HSPA12B: variants seen among roughly 807,000 people sequenced by gnomAD.
HSPA12B encodes the protein heat shock 70 kDa protein 12B.
In HSPA12B, 54 loss-of-function variants were observed where a neutral mutation model predicts 69.3. The ratio of observed to expected loss-of-function variants is 0.78; its 90% CI spans 0.63 to 0.98. The LOEUF (loss-of-function observed/expected upper bound fraction) is 0.98, where lower values mean the gene tolerates loss of function less well. Ranked by LOEUF, HSPA12B falls within the 50% of genes least tolerant of loss-of-function variation. The pLI is 0.00. For synonymous variants in HSPA12B, 441 were observed against 436.5 expected (o/e 1.01, Z -0.13); for missense variants, 929 against 999.8 (o/e 0.93, Z 0.96).
At chr20:3,743,905 GAAATAA>G (rs945803445) in intron 4 of HSPA12B, among the ~76,000 whole-genome samples, 4 of 151,820 alleles carry the variant, frequency 2.6e-5, no homozygotes, top group African/African-American at 7.3e-5. Context: ...AATAAAACAA[GAAATAA>G]AAATAAAAAC....
intron 1 of HSPA12B, among the ~76,000 whole-genome samples, chr20:3,738,181 C>T (rs944265076): frequency 2.0e-5 from 3 of 152,196 alleles, no homozygotes; most frequent in Non-Finnish European, 4.4e-5. Context: ...CTTCCCACCC[C>T]GCATTATCCA....
chr20:3,734,009 G>T (rs1028793864), intron 1 of HSPA12B, among the ~76,000 whole-genome samples: 1 of 152,188 alleles, frequency 6.6e-6, no homozygotes, highest in African/African-American at 2.4e-5. Flanking sequence ...ATTCTGTCAG[G>T]CAAAGGGTTG....
Position 3,744,782 on chromosome 20 carries a change from C to T in HSPA12B, c.267-120C>T, listed in dbSNP as rs1046158034. On this transcript the variant is annotated intron_variant, in intron 4 of 12. Coordinates refer to ENST00000254963, the MANE Select transcript of HSPA12B (RefSeq NM_052970.5). The surrounding 1 kb of genome is among the most constrained non-coding windows in gnomAD (Gnocchi z 4.9). ...TGTTTTCTCCTGCTGCCTATGGAGCCGACCCATAGCTAGTTCTCCCTGCTC... is the reference window on the plus strand; with the variant it reads ...TGTTTTCTCCTGCTGCCTATGGAGCTGACCCATAGCTAGTTCTCCCTGCTC... 4 of 865,592 alleles carry T rather than the reference C, an allele frequency of 4.6e-6. No homozygotes were observed. Among genetic ancestry groups the T allele is most frequent in the Non-Finnish European group, 7.2e-6 (4 of 554,826 alleles). 53.6% of individuals were successfully genotyped at this position (865,592 alleles called of 1,614,324 possible).
At position 3,749,952 on chromosome 20, in the gene HSPA12B, C is replaced by T; in HGVS notation, c.1043-17C>T. ...CGGCGAGCGCTGACGCCCTCTTCGC[C>T]CCCTGCTCCACCCCAGGGGGCCCTT... is the stretch of plus-strand genomic sequence containing the variant. On this transcript the variant is annotated splice_polypyrimidine_tract_variant and intron_variant, in intron 10 of 12. Coordinates refer to ENST00000254963, the MANE Select transcript of HSPA12B (RefSeq NM_052970.5). The surrounding 1 kb of genome is among the most constrained non-coding windows in gnomAD (Gnocchi z 5.5). 6.4e-7 allele frequency: 1 copy of T among 1,553,328 alleles called. No individual in the cohort carries two copies. Among genetic ancestry groups the T allele is most frequent in the Non-Finnish European group, 8.7e-7 (1 of 1,146,662 alleles).
intron 1 of HSPA12B, among the ~76,000 whole-genome samples, chr20:3,735,219 T>C (rs542397742): frequency 6.6e-6 from 1 of 152,310 alleles, no homozygotes; most frequent in African/African-American, 2.4e-5. Flanking sequence ...ATATCTGGAC[T>C]TGTTAACATA....
chr20:3,745,147 TG>T lies in HSPA12B; in HGVS notation c.453+64del, dbSNP rs2088274715. On this transcript the variant is annotated intron_variant, in intron 5 of 12. Transcript: ENST00000254963. This position sits in a 1 kb window ranked among gnomAD's most constrained non-coding sequence, Gnocchi z 5.6. ...CCAGCATGGAAAAGGGCAGGGCTAATGGGGGTGGGTGGGACAAAACCAAAAC... is the reference window on the plus strand; with the variant it reads ...CCAGCATGGAAAAGGGCAGGGCTAATGGGGTGGGTGGGACAAAACCAAAAC... 1 of 706,028 alleles carries T rather than the reference TG, an allele frequency of 1.4e-6. No homozygotes were observed. The allele number at this position is 706,028 out of a possible 1,614,324, so 43.7% of individuals were successfully genotyped here. A position where few individuals can be genotyped will look rare whatever the true frequency, so the allele number is the denominator to read the frequency against.
At chr20:3,750,946 G>T in intron 12 of HSPA12B, 39 bp downstream of exon 12, 1 of 1,533,942 alleles carries the variant, frequency 6.5e-7, no homozygotes, top group South Asian at 1.1e-5. Flanking sequence ...GCCCCTACAT[G>T]AACAAACAGA....
intron 1 of HSPA12B, among the ~76,000 whole-genome samples, chr20:3,736,091 A>G (rs1259645841): frequency 6.6e-6 from 1 of 152,168 alleles, no homozygotes; most frequent in African/African-American, 2.4e-5. Context: ...GAAGCTACCA[A>G]TGTGATGTCA....
At position 3,752,296 on chromosome 20, in the gene HSPA12B, C is replaced by A. The variant is rs929091894; in HGVS notation, c.*130C>A. ...TGCGCCTTTCCACGCCCTCCAGCCC[C>A]GGGGGAGATAAGGTCATGGGAGAGT... is the stretch of plus-strand genomic sequence containing the variant. On this transcript the variant is annotated 3_prime_UTR_variant, in exon 13 of 13. Coordinates refer to ENST00000254963, the MANE Select transcript of HSPA12B (RefSeq NM_052970.5). The A allele has an allele frequency of 3.3e-6, 3 of 907,806 alleles. No individual in the cohort carries two copies. The highest frequency in any genetic ancestry group is 6.3e-5 in the East Asian group (2 of 31,880). 56.2% of individuals were successfully genotyped at this position (907,806 alleles called of 1,614,324 possible). A position where few individuals can be genotyped will look rare whatever the true frequency, so the allele number is the denominator to read the frequency against.
Position 3,748,383 on chromosome 20 carries a change from T to G in HSPA12B, c.842T>G (p.Phe281Cys). The change falls in exon 8 of 13, where the codon TTC becomes TGC. Residue 281 changes from phenylalanine (F) to cysteine (C), a missense_variant. Coordinates refer to ENST00000254963, the MANE Select transcript of HSPA12B (RefSeq NM_052970.5). Reference protein sequence around the residue: ...LGERRSIDSSFRQAREQLRRS... With the variant: ...LGERRSIDSSCRQAREQLRRS... ...GAGCGCCGCTCCATCGACTCCAGCT[T>G]CCGTCAGGGTGAGCTGCCCCCGGGG... The G allele has an allele frequency of 6.3e-7, 1 of 1,592,914 alleles. No individual in the cohort carries two copies. Among genetic ancestry groups the G allele is most frequent in the South Asian group, 1.1e-5 (1 of 88,722 alleles).
intron 1 of HSPA12B, among the ~76,000 whole-genome samples, chr20:3,736,263 A>C (rs1298502776): frequency 6.6e-6 from 1 of 151,918 alleles, no homozygotes; most frequent in Non-Finnish European, 1.5e-5. Context: ...TTTTCTCCTC[A>C]ACAGCCAGCT....
rs1454595052 is a variant in HSPA12B at position 3,748,347 on chromosome 20, G to A, written c.806G>A (p.Gly269Glu). ...LDLSGRAPGG[G>E]RLGERRSIDS... The stretch of plus-strand genomic sequence containing the variant: ...CTGAGTGGCCGGGCCCCAGGTGGTG[G>A]GCGCCTGGGTGAGCGCCGCTCCATC... The change falls in exon 8 of 13, where the codon GGG becomes GAG. Residue 269 changes from glycine to glutamate, a missense_variant. Coordinates refer to ENST00000254963, the MANE Select transcript of HSPA12B (RefSeq NM_052970.5). The A allele has an allele frequency of 6.2e-7, 1 of 1,609,320 alleles. No individual in the cohort carries two copies. The highest frequency in any genetic ancestry group is 8.5e-7 in the Non-Finnish European group (1 of 1,178,090).
In HSPA12B at chr20:3,746,031, G is replaced by T; in HGVS notation, c.675G>T (p.Leu225=). Residue 225 remains leucine, a splice_region_variant and synonymous_variant, in exon 7 of 13, where the codon CTG becomes CTT. Transcript: ENST00000254963. ...AKQFMREAAY[L]AGLVSRENAE... ...AGTTCATGCGGGAGGCTGCCTACCT[G>T]GTGAGGACGTGCAGGCGGGCCCGAG... is the stretch of plus-strand genomic sequence containing the variant. 1 of 1,612,726 alleles carries T rather than the reference G, an allele frequency of 6.2e-7. No homozygotes were observed. Among genetic ancestry groups the T allele is most frequent in the Non-Finnish European group, 8.5e-7 (1 of 1,178,910 alleles).
At position 3,752,085 on chromosome 20, in the gene HSPA12B, C is replaced by A; in HGVS notation, c.1980C>A (p.Gly660=). The A allele has an allele frequency of 2.6e-6, 4 of 1,524,392 alleles. No individual in the cohort carries two copies. The highest frequency in any genetic ancestry group is 2.4e-5 in the East Asian group (1 of 41,796). 94.4% of individuals were successfully genotyped at this position (1,524,392 alleles called of 1,614,324 possible). A position where few individuals can be genotyped will look rare whatever the true frequency, so the allele number is the denominator to read the frequency against. ...AGATCCGCGCCGCCATGCAGTTTGG[C>A]GACACCGAAATTAAGGTCACCGCCG... ...RREIRAAMQF[G]DTEIKVTAVD... is the part of the protein sequence containing the mutation. The change falls in exon 13 of 13, where the codon GGC becomes GGA. Residue 660 remains glycine, a synonymous_variant. Transcript: ENST00000254963.
At chr20:3,733,533 G>A (rs1392185318) in intron 1 of HSPA12B, among the ~76,000 whole-genome samples, 1 of 152,146 alleles carries the variant, frequency 6.6e-6, no homozygotes, top group African/African-American at 2.4e-5. Flanking sequence ...GCGGCAGGAT[G>A]TATGGAAAGC....
chr20:3,734,352 C>T (rs942356527), intron 1 of HSPA12B, among the ~76,000 whole-genome samples: 1 of 152,148 alleles, frequency 6.6e-6, no homozygotes, highest in African/African-American at 2.4e-5. Context: ...AAGCTGATGA[C>T]TAGAGGTCAA....
At chr20:3,751,326 A>G in intron 12 of HSPA12B, 185 bp from the exon 13 acceptor site, 1 of 985,462 alleles carries the variant, frequency 1.0e-6, no homozygotes, top group South Asian at 4.7e-5. Context: ...GGGGAGGCGA[A>G]GCCCTCGAGG....
Position 3,737,430 on chromosome 20 carries a change from G to A in HSPA12B, c.-17-1228G>A, listed in dbSNP as rs748957585. On this transcript the variant is annotated intron_variant, in intron 1 of 12. Coordinates refer to ENST00000254963, the MANE Select transcript of HSPA12B (RefSeq NM_052970.5). This position sits in a 1 kb window ranked among gnomAD's most constrained non-coding sequence, Gnocchi z 4.1. ...AATATGATTGCGTCACTACACTCCAGCCTGGGCAACAGAGTGAAACTCCAT... is the reference window on the plus strand; with the variant it reads ...AATATGATTGCGTCACTACACTCCAACCTGGGCAACAGAGTGAAACTCCAT... Among the ~76,000 whole-genome samples the A allele has an allele frequency of 4.6e-5, 7 of 152,224 alleles. No individual in the cohort carries two copies. Among genetic ancestry groups the A allele is most frequent in the Middle Eastern group, 3.4e-3 (1 of 292 alleles).
intron 3 of HSPA12B, among the ~76,000 whole-genome samples, chr20:3,741,713 AT>A (rs2088205819): frequency 6.6e-6 from 1 of 152,160 alleles, no homozygotes. Context: ...CCCCACCTGG[AT>A]GACCTTGCCC....
Sources: gnomAD v4.1 joint callset for allele counts (sites outside exome capture counted in the v4.1 genomes callset) on GRCh38, gnomAD v4.1.1 for gene constraint, Gnocchi (gnomAD v3.1) non-coding constraint, MANE v1.5 for transcripts, NCBI Gene and HGNC (gene_info 2026-07-23, HGNC 2026-07-21) for gene names.